XKRX: variants seen among roughly 807,000 people sequenced by gnomAD.
XKRX encodes XK-related protein 2.
In XKRX, 11 loss-of-function variants were observed where a neutral mutation model predicts 22.4. That is an observed-to-expected ratio of 0.49 (90% CI 0.31 to 0.81). The LOEUF (loss-of-function observed/expected upper bound fraction) is 0.81, where lower values mean the gene tolerates loss of function less well. Among genes scored for constraint, XKRX ranks in the 40% least tolerant of loss-of-function variants. The pLI is 0.05. For synonymous variants in XKRX, 114 were observed against 132.2 expected (o/e 0.86, Z 0.94); for missense variants, 320 against 336.5 (o/e 0.95, Z 0.38).
chrX:100,905,880 T>C, the XKRX span, among the ~76,000 whole-genome samples: 11 of 112,102 alleles, frequency 9.8e-5, no homozygotes, highest in Non-Finnish European at 1.7e-4. Context: ...AGCTGGTTAA[T>C]GTTCTACAGG....
chrX:100,900,657 A>C, the XKRX span, among the ~76,000 whole-genome samples: 1 of 109,387 alleles, frequency 9.1e-6, no homozygotes, highest in Non-Finnish European at 1.9e-5. Context: ...AAAAAAGAAA[A>C]AAAAGAATGT....
At chrX:100,888,460 C>T in the XKRX span, 4 of 994,255 alleles carry the variant, frequency 4.0e-6, no homozygotes, top group Non-Finnish European at 5.6e-6. Flanking sequence ...CTCTCATTAC[C>T]GCACAGTCTG....
At chrX:100,921,816 A>G (rs1434223113) in intron 2 of XKRX, among the ~76,000 whole-genome samples, 3 of 83,565 alleles carry the variant, frequency 3.6e-5, no homozygotes, top group Non-Finnish European at 7.0e-5. Context: ...ATTAGTATTA[A>G]CCCCACGCTT....
chrX:100,897,907 G>T, the XKRX span, among the ~76,000 whole-genome samples: 1 of 110,054 alleles, frequency 9.1e-6, no homozygotes, highest in Non-Finnish European at 1.9e-5. Flanking sequence ...CTTTGGAGGG[G>T]ATTCTACTGG....
At position 100,928,602 on chromosome X, in the gene XKRX, C is replaced by T. The variant is rs1448864598; in HGVS notation, c.-298G>A. On this transcript the variant is annotated 5_prime_UTR_variant, in exon 1 of 3. Coordinates refer to ENST00000372956, the MANE Select transcript of XKRX (RefSeq NM_212559.3). ...ACTTGAACAAGACAAAAGCAAGCAT[C>T]CCAGCGCCCCATCCAGAGTCCAACT... The T allele has an allele frequency of 4.5e-6, 4 of 886,966 alleles. No individual in the cohort carries two copies. In the East Asian group the frequency reaches 2.5e-4, roughly 56 times the overall value. 73.1% of individuals were successfully genotyped at this position (886,966 alleles called of 1,213,427 possible).
chrX:100,914,733 A>G lies in XKRX; in HGVS notation c.955T>C (p.Tyr319His), dbSNP rs1343788421. Residue 319 changes from tyrosine to histidine, a missense_variant, in exon 3 of 3, where the codon TAT becomes CAT. By Grantham distance (83) the Tyr-to-His change is moderately conservative. Transcript: ENST00000372956. ...LVVLISVTIL[Y>H]AGINFSCWSA... Reference sequence around the variant, plus strand: ...CAGCAAGAGAAGTTGATGCCAGCATAGAGGATGGTGACTGAAATCAGGACC... The same window carrying G: ...CAGCAAGAGAAGTTGATGCCAGCATGGAGGATGGTGACTGAAATCAGGACC... 8.3e-7 allele frequency: 1 copy of G among 1,211,896 alleles called. No individual in the cohort carries two copies. The highest frequency in any genetic ancestry group is 2.2e-5 in the Admixed American group (1 of 46,037).
At chrX:100,919,448 A>G (rs2147940442) in intron 2 of XKRX, among the ~76,000 whole-genome samples, 1 of 112,360 alleles carries the variant, frequency 8.9e-6, no homozygotes, top group South Asian at 3.7e-4. Context: ...TGACATGTAT[A>G]TACATATTTA....
At chrX:100,941,378 G>A in the XKRX span, among the ~76,000 whole-genome samples, 3 of 111,090 alleles carry the variant, frequency 2.7e-5, no homozygotes, top group East Asian at 8.5e-4. Flanking sequence ...GTGAAACCCC[G>A]TCTCTATTAA....
chrX:100,891,654 C>A, the XKRX span, among the ~76,000 whole-genome samples: 11 of 107,886 alleles, frequency 1.0e-4, no homozygotes, highest in Non-Finnish European at 1.9e-4. Flanking sequence ...ACTTTGGGAG[C>A]CCGAGGCAGG....
At chrX:100,911,917 G>A (rs762438420), downstream of XKRX, among the ~76,000 whole-genome samples, 1 of 111,879 alleles carries the variant, frequency 8.9e-6, no homozygotes, top group South Asian at 3.8e-4. Context: ...AGGATGTTAA[G>A]TCACTGAGGA....
At chrX:100,950,140 CAG>C in the XKRX span, among the ~76,000 whole-genome samples, 1 of 111,230 alleles carries the variant, frequency 9.0e-6, no homozygotes, top group African/African-American at 3.3e-5. Context: ...TGAAGAAAAA[CAG>C]AACATTCGTA....
At chrX:100,953,818 A>AGAATCAC in the XKRX span, among the ~76,000 whole-genome samples, 1 of 103,759 alleles carries the variant, frequency 9.6e-6, no homozygotes, top group Non-Finnish European at 2.0e-5. Flanking sequence ...CTGAGACAGG[A>AGAATCAC]GAATCACTTG....
At chrX:100,943,512 T>G in the XKRX span, among the ~76,000 whole-genome samples, 1 of 111,610 alleles carries the variant, frequency 9.0e-6, no homozygotes, top group African/African-American at 3.3e-5. Context: ...CAAGCGATTC[T>G]CCTGCCTCAG....
the XKRX span, among the ~76,000 whole-genome samples, chrX:100,937,196 G>A: frequency 9.1e-6 from 1 of 110,457 alleles, no homozygotes; most frequent in African/African-American, 3.3e-5. Context: ...TCACCATGTT[G>A]GCCAGGCTGG....
At chrX:100,889,753 C>T in the XKRX span, among the ~76,000 whole-genome samples, 4 of 111,657 alleles carry the variant, frequency 3.6e-5, no homozygotes, top group Non-Finnish European at 5.6e-5. Flanking sequence ...CCTATAATCC[C>T]GGCAATGTGA....
chrX:100,922,140 C>T (rs2085476447), intron 2 of XKRX, among the ~76,000 whole-genome samples: 1 of 110,984 alleles, frequency 9.0e-6, no homozygotes, highest in African/African-American at 3.3e-5. Flanking sequence ...GCCCACGCTC[C>T]TTTTCTTTCT....
intron 1 of XKRX, among the ~76,000 whole-genome samples, chrX:100,924,132 A>G (rs1415336868): frequency 1.9e-5 from 2 of 108,087 alleles, no homozygotes; most frequent in Admixed American, 1.0e-4. Flanking sequence ...GATTACAGGC[A>G]TGAGCCACTG....
chrX:100,957,653 C>A, the XKRX span: 1 of 437,124 alleles, frequency 2.3e-6, no homozygotes, highest in Non-Finnish European at 3.9e-6. Context: ...TTTTTCCTTT[C>A]TGACATTACT....
the XKRX span, chrX:100,956,484 T>C: frequency 7.0e-4 from 224 of 319,377 alleles, 1 homozygote; most frequent in Admixed American, 7.8e-3. Context: ...CTAAAATGGA[T>C]GGTTCCATTT....
Sources: gnomAD v4.1 joint callset for allele counts (sites outside exome capture counted in the v4.1 genomes callset) on GRCh38, gnomAD v4.1.1 for gene constraint, MANE v1.5 for transcripts, NCBI Gene and HGNC (gene_info 2026-07-23, HGNC 2026-07-21) for gene names.